IQSEC1: variants seen among roughly 807,000 people sequenced by gnomAD.
IQSEC1 encodes IQ motif and Sec7 domain ArfGEF 1.
In IQSEC1, 31 loss-of-function variants were observed where a neutral mutation model predicts 91.0. The ratio of observed to expected loss-of-function variants is 0.34; its 90% CI spans 0.26 to 0.46. The LOEUF (loss-of-function observed/expected upper bound fraction) is 0.46, where lower values mean the gene tolerates loss of function less well. Ranked by LOEUF, IQSEC1 falls within the 20% of genes least tolerant of loss-of-function variation. The probability of loss-of-function intolerance (pLI) is 1.00; values close to 1 mark genes in which losing one functional copy is unlikely to be tolerated. For synonymous variants in IQSEC1, 699 were observed against 662.6 expected, an observed-to-expected ratio of 1.05 and a Z score of -0.84; for missense variants, 1,388 against 1,575.6, an observed-to-expected ratio of 0.88 and a Z score of 2.02.
At chr3:13,245,760 C>T (rs1467380547) in intron 1 of IQSEC1, among the ~76,000 whole-genome samples, 1 of 131,532 alleles carries the variant, frequency 7.6e-6, no homozygotes, top group Admixed American at 7.3e-5. Context: ...GAGCCAGACC[C>T]TGTTTCAAAA....
At chr3:13,033,305 A>C (rs11927914) in intron 1 of IQSEC1, among the ~76,000 whole-genome samples, 53,509 of 151,976 alleles carry the variant, frequency 0.35, 10,188 homozygotes, top group East Asian at 0.59. Flanking sequence ...TGATTTGCAG[A>C]GGCTTCCGTA....
At chr3:13,223,610 G>A (rs1212909165) in intron 1 of IQSEC1, among the ~76,000 whole-genome samples, 2 of 152,164 alleles carry the variant, frequency 1.3e-5, no homozygotes, top group Admixed American at 6.5e-5. Context: ...GTCCTCGCGC[G>A]CCCACCTTCC....
At chr3:12,964,789 T>G (rs750851351) in intron 1 of IQSEC1, among the ~76,000 whole-genome samples, 3 of 152,118 alleles carry the variant, frequency 2.0e-5, no homozygotes, top group Admixed American at 6.5e-5. Context: ...TTCCACAGTA[T>G]GCAGAGTCCA....
rs1300675298 is a variant in IQSEC1 at position 13,282,508 on chromosome 3, G to A, written c.272+203C>T. On this transcript the variant is annotated intron_variant, in intron 1 of 15. Coordinates refer to the IQSEC1 transcript ENST00000648114. The surrounding 1 kb of genome is among the most constrained non-coding windows in gnomAD (Gnocchi z 6.4). The stretch of plus-strand genomic sequence containing the variant: ...TTTCCAGGGAACCCAGTCCCCACCC[G>A]AGATCGAGCTCCGGATCTGGGCGGC... Among the ~76,000 whole-genome samples, 2 of 151,908 alleles carry A rather than the reference G, an allele frequency of 1.3e-5. No individual in the cohort carries two copies. Among genetic ancestry groups the A allele is most frequent in the Admixed American group, 6.5e-5 (1 of 15,276 alleles).
rs141276903 is a variant in IQSEC1 at position 13,177,529 on chromosome 3, C to A, written c.273-13396G>T. On this transcript the variant is annotated intron_variant, in intron 1 of 15. Transcript: ENST00000648114. Reference sequence around the variant, plus strand: ...CGGGACACCAGCCTGAGCCAGCCAGCAGGGCCACAGCAGGCAGCCACATGG... The same window carrying A: ...CGGGACACCAGCCTGAGCCAGCCAGAAGGGCCACAGCAGGCAGCCACATGG... Among the ~76,000 whole-genome samples, 922 of 151,522 alleles carry A rather than the reference C, an allele frequency of 6.1e-3. 9 individuals are homozygous for A. The highest frequency in any genetic ancestry group is 0.022 in the African/African-American group (895 of 41,206).
At chr3:13,143,060 G>A (rs928889274) in intron 2 of IQSEC1, among the ~76,000 whole-genome samples, 35 of 152,118 alleles carry the variant, frequency 2.3e-4, no homozygotes, top group Non-Finnish European at 1.3e-4. Context: ...ACCCCATCCC[G>A]TCTCTTTCTT....
At chr3:13,005,754 CG>C (rs928543193) in intron 1 of IQSEC1, among the ~76,000 whole-genome samples, 5 of 152,152 alleles carry the variant, frequency 3.3e-5, no homozygotes, top group African/African-American at 1.2e-4. Context: ...TTCGTAGGGA[CG>C]GGGAATGGAA....
At chr3:13,017,543 A>G (rs1389997168) in intron 1 of IQSEC1, among the ~76,000 whole-genome samples, 1 of 152,208 alleles carries the variant, frequency 6.6e-6, no homozygotes, top group African/African-American at 2.4e-5. Context: ...GGAAACCAGT[A>G]ACGCAAAGCC....
At chr3:13,223,020 T>C (rs1279754441) in intron 1 of IQSEC1, among the ~76,000 whole-genome samples, 2 of 152,234 alleles carry the variant, frequency 1.3e-5, no homozygotes, top group Admixed American at 6.5e-5. Context: ...AAAAGGGGTC[T>C]TTTGTCAGAC....
chr3:12,924,450 A>G lies in IQSEC1; in HGVS notation c.1730+131T>C. The G allele has an allele frequency of 1.1e-6, 1 of 908,400 alleles. No individual in the cohort carries two copies. Among genetic ancestry groups the G allele is most frequent in the Non-Finnish European group, 1.6e-6 (1 of 617,980 alleles). The allele number at this position is 908,400 out of a possible 1,614,324, so 56.3% of individuals were successfully genotyped here. ...ATGTGTGTGTCTAGGACTTAGGAAG[A>G]GAGAAAGGGGGGCCCACCACATGTC... On this transcript the variant is annotated intron_variant, in intron 4 of 13. Coordinates refer to ENST00000613206, the MANE Select transcript of IQSEC1 (RefSeq NM_001134382.3). This position sits in a 1 kb window ranked among gnomAD's most constrained non-coding sequence, Gnocchi z 6.3.
intron 1 of IQSEC1, among the ~76,000 whole-genome samples, chr3:13,242,604 G>C (rs1283758864): frequency 6.6e-6 from 1 of 152,200 alleles, no homozygotes; most frequent in Non-Finnish European, 1.5e-5. Context: ...GGGAGGCGGG[G>C]CTGGTCCTGC....
chr3:12,922,331 G>A lies in IQSEC1; in HGVS notation c.1731-89C>T, dbSNP rs953817226. On this transcript the variant is annotated intron_variant, in intron 4 of 13. Transcript: ENST00000613206. The surrounding 1 kb of genome is among the most constrained non-coding windows in gnomAD (Gnocchi z 5.1). The stretch of plus-strand genomic sequence containing the variant: ...CCCAGGTGGTGGTGCCTGAAGCCCT[G>A]GGAATGGACCGCCTCCTGGCAGGGA... 8 of 1,421,078 alleles carry A rather than the reference G, an allele frequency of 5.6e-6. No individual in the cohort carries two copies. The highest frequency in any genetic ancestry group is 7.5e-6 in the Non-Finnish European group (8 of 1,073,450). 88.0% of individuals were successfully genotyped at this position (1,421,078 alleles called of 1,614,324 possible).
chr3:13,012,964 CTT>C (rs35541458), intron 1 of IQSEC1, among the ~76,000 whole-genome samples: 12 of 97,486 alleles, frequency 1.2e-4, no homozygotes, highest in South Asian at 3.6e-4. Flanking sequence ...AAAGTCTGGG[CTT>C]TTTTTTTTTT....
rs563637421 is a variant in IQSEC1, at chr3:12,940,220, C to G, written c.318+1351G>C. On this transcript the variant is annotated intron_variant, in intron 2 of 13. Transcript: ENST00000613206. This position sits in a 1 kb window ranked among gnomAD's most constrained non-coding sequence, Gnocchi z 4.4. ...TCCGGCCTAAGTTGCAAGGCAGCAC[C>G]GACAGCCAGGTGAGGAAGGGGCTGA... is the stretch of plus-strand genomic sequence containing the variant. Among the ~76,000 whole-genome samples, 2 of 151,878 alleles carry G rather than the reference C, an allele frequency of 1.3e-5. No individual in the cohort carries two copies. Among genetic ancestry groups the G allele is most frequent in the Non-Finnish European group, 2.9e-5 (2 of 67,978 alleles).
chr3:13,092,744 G>A (rs893029055), intron 2 of IQSEC1, among the ~76,000 whole-genome samples: 2 of 152,178 alleles, frequency 1.3e-5, no homozygotes, highest in African/African-American at 4.8e-5. Flanking sequence ...GCGTAAAACA[G>A]TCCACCAACA....
At chr3:13,240,520 G>C (rs1695003331) in intron 1 of IQSEC1, among the ~76,000 whole-genome samples, 1 of 152,206 alleles carries the variant, frequency 6.6e-6, no homozygotes, top group Non-Finnish European at 1.5e-5. Context: ...GTGTGGCAGA[G>C]GCTGTGATGA....
chr3:13,110,761 C>T (rs1706231455), intron 2 of IQSEC1, among the ~76,000 whole-genome samples: 1 of 152,174 alleles, frequency 6.6e-6, no homozygotes, highest in African/African-American at 2.4e-5. Context: ...AGCCAGCTTC[C>T]CCAGCCTCAG....
At chr3:13,051,950 G>A (rs1324138525) in intron 1 of IQSEC1, among the ~76,000 whole-genome samples, 1 of 152,130 alleles carries the variant, frequency 6.6e-6, no homozygotes, top group Non-Finnish European at 1.5e-5. Flanking sequence ...TGTACAGAAA[G>A]TTCCAAACAA....
At chr3:13,020,429 C>T (rs1461987705) in intron 1 of IQSEC1, among the ~76,000 whole-genome samples, 2 of 152,206 alleles carry the variant, frequency 1.3e-5, no homozygotes, top group African/African-American at 4.8e-5. Flanking sequence ...GGCTGAGGCC[C>T]AGGGCCCCAG....
Sources: allele counts gnomAD v4.1 joint callset (sites outside exome capture counted in the v4.1 genomes callset), GRCh38; gene constraint gnomAD v4.1.1; non-coding constraint Gnocchi (gnomAD v3.1); transcripts MANE v1.5; gene names NCBI Gene and HGNC (gene_info 2026-07-23, HGNC 2026-07-21).